The following PPP1CB variants were observed in gnomAD, a reference collection of about 807,000 sequenced individuals.
The protein encoded by PPP1CB is protein phosphatase 1 catalytic subunit beta, also known as serine/threonine-protein phosphatase PP1-beta catalytic subunit.
Under a neutral mutation model 43.7 loss-of-function variants are expected in PPP1CB, and 2 were observed. The ratio of observed to expected loss-of-function variants is 0.05; its 90% confidence interval spans 0.02 to 0.14. The LOEUF (loss-of-function observed/expected upper bound fraction) is 0.14. PPP1CB is among the 10% of genes least tolerant of loss of function. The probability of loss-of-function intolerance (pLI) is 1.00; values close to 1 mark genes in which losing one functional copy is unlikely to be tolerated. For synonymous variants in PPP1CB, 136 were observed against 135.6 expected, an observed-to-expected ratio of 1.00 and a Z score of -0.02; for missense variants, 84 against 398.0, an observed-to-expected ratio of 0.21 and a Z score of 6.71.
rs533058197 is a variant in PPP1CB at position 28,791,946 on chromosome 2, A to G, written c.745-1917A>G. On this transcript the variant is annotated intron_variant, in intron 6 of 7. Coordinates refer to ENST00000395366, the MANE Select transcript of PPP1CB (RefSeq NM_002709.3). ...CCTTTAAAAAAGAAAATTTGAAAGAATGAACAAGTAAGCAAACTAAAAAAC... is the reference window on the plus strand; with the variant it reads ...CCTTTAAAAAAGAAAATTTGAAAGAGTGAACAAGTAAGCAAACTAAAAAAC... Among the ~76,000 whole-genome samples the G allele has an allele frequency of 1.6e-3, 248 of 152,352 alleles. 1 individual carries two copies. The highest frequency in any genetic ancestry group is 5.7e-3 in the African/African-American group (238 of 41,582).
intron 5 of PPP1CB, among the ~76,000 whole-genome samples, chr2:28,785,219 C>T (rs1053853901): frequency 8.6e-5 from 13 of 151,060 alleles, no homozygotes; most frequent in Admixed American, 3.3e-4. Flanking sequence ...GGACTACAGG[C>T]GCCCGCCACC....
At chr2:28,755,584 TG>T (rs1160246744) in intron 1 of PPP1CB, among the ~76,000 whole-genome samples, 21 of 152,240 alleles carry the variant, frequency 1.4e-4, no homozygotes, top group African/African-American at 5.1e-4. Flanking sequence ...CTAGTTTGTA[TG>T]AGTATTCTGG....
intron 1 of PPP1CB, among the ~76,000 whole-genome samples, chr2:28,760,892 A>G (rs1224321864): frequency 6.6e-6 from 1 of 152,154 alleles, no homozygotes; most frequent in Non-Finnish European, 1.5e-5. Flanking sequence ...CTAGCGAGAC[A>G]AAAAGACCAG....
Position 28,801,299 on chromosome 2 carries a change from A to G in PPP1CB, c.*1996A>G, listed in dbSNP as rs140470071. The G allele has an allele frequency of 5.6e-4, 86 of 152,268 alleles. No individual in the cohort carries two copies. The highest frequency in any genetic ancestry group is 2.0e-3 in the African/African-American group (83 of 41,564). 9.4% of individuals were successfully genotyped at this position (152,268 alleles called of 1,614,324 possible). ...AGTAGTCATAGTGAAGCAGGTCTAG[A>G]AAATAAGCCTTTGGCAGGGAAAAAG... On this transcript the variant is annotated 3_prime_UTR_variant, in exon 8 of 8. Transcript: ENST00000395366.
At chr2:28,762,858 G>T (rs1190050374) in intron 1 of PPP1CB, among the ~76,000 whole-genome samples, 1 of 152,226 alleles carries the variant, frequency 6.6e-6, no homozygotes, top group Non-Finnish European at 1.5e-5. Flanking sequence ...GATCTCATCA[G>T]AAGAGTCCTT....
At chr2:28,772,732 G>A (rs572241410) in intron 1 of PPP1CB, among the ~76,000 whole-genome samples, 1 of 152,154 alleles carries the variant, frequency 6.6e-6, no homozygotes, top group Non-Finnish European at 1.5e-5. Context: ...TCAGATTTTT[G>A]AGTATTTGTA....
intron 1 of PPP1CB, among the ~76,000 whole-genome samples, chr2:28,754,100 A>G (rs1666420256): frequency 6.6e-6 from 1 of 152,098 alleles, no homozygotes; most frequent in African/African-American, 2.4e-5. Flanking sequence ...TTGTATCTCA[A>G]TTTATTTATA....
chr2:28,781,061 A>G (rs572001743), intron 3 of PPP1CB, among the ~76,000 whole-genome samples: 2 of 152,134 alleles, frequency 1.3e-5, no homozygotes, highest in African/African-American at 4.8e-5. Flanking sequence ...TAACTAGTCC[A>G]CACACTGAAC....
chr2:28,795,648 GGTT>G (rs1558312253), intron 7 of PPP1CB, among the ~76,000 whole-genome samples: 1 of 152,086 alleles, frequency 6.6e-6, no homozygotes, highest in Non-Finnish European at 1.5e-5. Flanking sequence ...TTTTTAATGG[GGTT>G]GTTTTTTGAT....
At chr2:28,759,713 G>A (rs111381439) in intron 1 of PPP1CB, among the ~76,000 whole-genome samples, 34 of 151,200 alleles carry the variant, frequency 2.2e-4, no homozygotes, top group African/African-American at 8.2e-4. Context: ...TGCCTCTCAG[G>A]TTCAAGTGAT....
chr2:28,753,156 A>G (rs1442146725), intron 1 of PPP1CB, among the ~76,000 whole-genome samples: 2 of 152,250 alleles, frequency 1.3e-5, no homozygotes, highest in East Asian at 3.8e-4. Flanking sequence ...TTCGTCATCA[A>G]TAATTGTTTT....
At chr2:28,774,250 A>T (rs1204182144) in intron 1 of PPP1CB, among the ~76,000 whole-genome samples, 1 of 152,210 alleles carries the variant, frequency 6.6e-6, no homozygotes, top group Non-Finnish European at 1.5e-5. Flanking sequence ...CTTAGTAGTC[A>T]AGTTACAACT....
Position 28,775,596 on chromosome 2 carries a change from C to T in PPP1CB, c.53-1255C>T, listed in dbSNP as rs1007006421. On this transcript the variant is annotated intron_variant, in intron 1 of 7. Transcript: ENST00000395366. ...CTTGCTTTGCTGCCCAGGCTGGTCT[C>T]GAACTCCTGGCTTCAAGCAGTCCTC... Among the ~76,000 whole-genome samples, 8 of 152,056 alleles carry T rather than the reference C, an allele frequency of 5.3e-5. No individual in the cohort carries two copies. In the East Asian group the frequency reaches 5.8e-4, roughly 11 times the overall value.
intron 1 of PPP1CB, among the ~76,000 whole-genome samples, chr2:28,771,703 A>G (rs1666917286): frequency 6.6e-6 from 1 of 152,204 alleles, no homozygotes; most frequent in Non-Finnish European, 1.5e-5. Context: ...CTTGACCTTT[A>G]CATCAAACCA....
At chr2:28,760,956 A>C (rs1041884211) in intron 1 of PPP1CB, among the ~76,000 whole-genome samples, 2 of 152,122 alleles carry the variant, frequency 1.3e-5, no homozygotes, top group Admixed American at 6.5e-5. Context: ...GCTGGAGTGC[A>C]GTGGTGCAGT....
chr2:28,794,133 CATT>C, intron 7 of PPP1CB, 136 bp downstream of exon 7: 5 of 669,258 alleles, frequency 7.5e-6, no homozygotes, highest in Non-Finnish European at 1.2e-5. Flanking sequence ...CACTCAAACT[CATT>C]AGATATTTCT....
chr2:28,791,502 G>T (rs912365588), intron 6 of PPP1CB, among the ~76,000 whole-genome samples: 1 of 152,070 alleles, frequency 6.6e-6, no homozygotes, highest in Middle Eastern at 3.4e-3. Context: ...GCTAGTTTTT[G>T]TATTTTTAGT....
intron 3 of PPP1CB, 58 bp downstream of exon 3, chr2:28,779,097 C>T (rs2148050112): frequency 7.4e-7 from 1 of 1,348,696 alleles, no homozygotes; most frequent in South Asian, 1.3e-5. Flanking sequence ...TAATAATTTT[C>T]TGGTTCAGAA....
rs777536645 is a variant in PPP1CB, at chr2:28,793,889, T to C, written c.771T>C (p.Phe257=). 8.7e-6 allele frequency: 14 copies of C among 1,614,000 alleles called. No homozygotes were observed. The South Asian group carries it at 1.5e-4, about 18-fold the overall frequency. Residue 257 remains phenylalanine (F), a synonymous_variant, in exon 7 of 8, where the codon TTT becomes TTC. Transcript: ENST00000395366. ...TGGTGGAAGATGGATATGAATTTTTTGCTAAACGACAGTTGGTAACCTTAT... is the reference window on the plus strand; with the variant it reads ...TGGTGGAAGATGGATATGAATTTTTCGCTAAACGACAGTTGGTAACCTTAT... ...HQVVEDGYEF[F]AKRQLVTLFS... is the part of the protein sequence containing the mutation.
Sources: allele counts gnomAD v4.1 joint callset (sites outside exome capture counted in the v4.1 genomes callset), GRCh38; gene constraint gnomAD v4.1.1; transcripts MANE v1.5; gene names NCBI Gene and HGNC (gene_info 2026-07-23, HGNC 2026-07-21).